Variants in PARD3B observed in about 807,000 individuals in gnomAD.
PARD3B encodes the protein partitioning defective 3 homolog B.
A neutral mutation model predicts 130.2 loss-of-function variants in PARD3B; 103 were observed. The ratio of observed to expected loss-of-function variants is 0.79; its 90% CI spans 0.67 to 0.93. The LOEUF (loss-of-function observed/expected upper bound fraction) is 0.93. PARD3B is among the 40% of genes least tolerant of loss of function. The pLI is 0.00. For synonymous variants in PARD3B, 583 were observed against 553.2 expected (o/e 1.05, Z -0.76); for missense variants, 1,609 against 1,499.2 (o/e 1.07, Z -1.21).
At chr2:205,380,730 A>C (rs1344487735) in intron 18 of PARD3B, among the ~76,000 whole-genome samples, 1 of 102,514 alleles carries the variant, frequency 9.8e-6, no homozygotes, top group Non-Finnish European at 1.7e-5. Flanking sequence ...ACTATATATA[A>C]AGAATATACA....
At chr2:204,963,367 C>T (rs1204407504) in intron 2 of PARD3B, among the ~76,000 whole-genome samples, 2 of 151,960 alleles carry the variant, frequency 1.3e-5, no homozygotes, top group African/African-American at 4.8e-5. Context: ...TATTTTTTCT[C>T]GTTTTTCCAG....
At chr2:204,582,895 T>A (rs977453599) in intron 1 of PARD3B, among the ~76,000 whole-genome samples, 1 of 152,166 alleles carries the variant, frequency 6.6e-6, no homozygotes, top group Non-Finnish European at 1.5e-5. Flanking sequence ...TGATGAGCAT[T>A]TTTTCATGTA....
chr2:204,972,261 A>G (rs1420430091), intron 3 of PARD3B, among the ~76,000 whole-genome samples: 1 of 152,186 alleles, frequency 6.6e-6, no homozygotes, highest in African/African-American at 2.4e-5. Context: ...CTCATAGTTG[A>G]TCACTTCCTA....
intron 2 of PARD3B, among the ~76,000 whole-genome samples, chr2:204,948,455 A>G (rs1399450890): frequency 1.3e-5 from 2 of 152,220 alleles, no homozygotes; most frequent in Non-Finnish European, 2.9e-5. Flanking sequence ...AATAATTTGC[A>G]TGTTACATGG....
At chr2:204,560,446 A>C (rs2031234704) in intron 1 of PARD3B, among the ~76,000 whole-genome samples, 1 of 152,102 alleles carries the variant, frequency 6.6e-6, no homozygotes, top group Non-Finnish European at 1.5e-5. Flanking sequence ...TGGTATGATC[A>C]AGGTGCTTTG....
At chr2:205,127,175 T>C (rs944005405) in intron 10 of PARD3B, among the ~76,000 whole-genome samples, 2 of 151,510 alleles carry the variant, frequency 1.3e-5, no homozygotes, top group Non-Finnish European at 2.9e-5. Flanking sequence ...CATGTGCCTG[T>C]AGTCCCAGCT....
At chr2:205,159,354 A>C (rs1291363732) in intron 11 of PARD3B, among the ~76,000 whole-genome samples, 1 of 152,212 alleles carries the variant, frequency 6.6e-6, no homozygotes, top group East Asian at 1.9e-4. Context: ...ATCACATTTT[A>C]TACACTTGAA....
chr2:205,013,314 T>C (rs1695872055), intron 3 of PARD3B, among the ~76,000 whole-genome samples: 1 of 152,240 alleles, frequency 6.6e-6, no homozygotes, highest in African/African-American at 2.4e-5. Context: ...AATTGATAAC[T>C]GTAGTTTAAT....
intron 14 of PARD3B, among the ~76,000 whole-genome samples, chr2:205,191,620 G>A (rs780290580): frequency 1.3e-5 from 2 of 152,156 alleles, no homozygotes; most frequent in Non-Finnish European, 2.9e-5. Flanking sequence ...TGTTTCTATA[G>A]CACATACTCT....
intron 1 of PARD3B, among the ~76,000 whole-genome samples, chr2:204,653,106 T>C (rs2035536653): frequency 6.6e-6 from 1 of 150,794 alleles, no homozygotes; most frequent in Non-Finnish European, 1.5e-5. Context: ...CAACAGACAC[T>C]GGGATCTTCT....
intron 18 of PARD3B, among the ~76,000 whole-genome samples, chr2:205,399,515 C>T (rs368604558): frequency 8.6e-5 from 13 of 151,652 alleles, no homozygotes; most frequent in East Asian, 2.0e-4. Context: ...CCACGACGCC[C>T]GGCTAATTTT....
intron 4 of PARD3B, among the ~76,000 whole-genome samples, chr2:205,081,003 G>T (rs557741382): frequency 2.9e-4 from 44 of 152,056 alleles, no homozygotes; most frequent in Middle Eastern, 3.4e-3. Flanking sequence ...TCACTGTGTA[G>T]ATTTTCTTTA....
intron 2 of PARD3B, among the ~76,000 whole-genome samples, chr2:204,903,426 T>G (rs962550326): frequency 6.6e-6 from 1 of 152,216 alleles, no homozygotes. Flanking sequence ...ACATGTTTAA[T>G]GTGTTTTGTT....
At chr2:204,916,877 CAT>C (rs1461373181) in intron 2 of PARD3B, among the ~76,000 whole-genome samples, 1 of 152,126 alleles carries the variant, frequency 6.6e-6, no homozygotes, top group Non-Finnish European at 1.5e-5. Flanking sequence ...ATTTGTCTGA[CAT>C]GTGTTTATTG....
At chr2:205,097,464 C>T (rs1055657903) in intron 4 of PARD3B, among the ~76,000 whole-genome samples, 1 of 152,178 alleles carries the variant, frequency 6.6e-6, no homozygotes, top group African/African-American at 2.4e-5. Flanking sequence ...CACTCATCAA[C>T]ACCATCCTTC....
chr2:205,535,044 G>C (rs182397421), intron 21 of PARD3B, among the ~76,000 whole-genome samples: 76 of 152,248 alleles, frequency 5.0e-4, no homozygotes, highest in African/African-American at 1.7e-3. Flanking sequence ...GAGTAAAATG[G>C]AGTTCTTTTT....
intron 19 of PARD3B, among the ~76,000 whole-genome samples, chr2:205,423,038 C>T (rs976956220): frequency 6.6e-6 from 1 of 152,156 alleles, no homozygotes; most frequent in Admixed American, 6.5e-5. Flanking sequence ...CATGGTAGAA[C>T]CTTTCTCCTC....
At chr2:205,149,093 C>T (rs932790924) in intron 10 of PARD3B, among the ~76,000 whole-genome samples, 1 of 152,152 alleles carries the variant, frequency 6.6e-6, no homozygotes, top group Non-Finnish European at 1.5e-5. Flanking sequence ...CAGAGATGGC[C>T]TTATTTGGAA....
Position 204,799,834 on chromosome 2 carries a change from A to G in PARD3B, c.222+113552A>G, listed in dbSNP as rs1201457766. Reference sequence around the variant, plus strand: ...GACTGAGGGTTCCCCAAATGCAGATATGGCTGCAGTGACTAAAGATTTATA... The same window carrying G: ...GACTGAGGGTTCCCCAAATGCAGATGTGGCTGCAGTGACTAAAGATTTATA... On this transcript the variant is annotated intron_variant, in intron 2 of 22. Coordinates refer to ENST00000406610, the MANE Select transcript of PARD3B (RefSeq NM_001302769.2). This position sits in a 1 kb window ranked among gnomAD's most constrained non-coding sequence, Gnocchi z 4.1. 6.6e-6 allele frequency among the ~76,000 whole-genome samples: 1 copy of G among 152,186 alleles called. No individual in the cohort carries two copies. Among genetic ancestry groups the G allele is most frequent in the African/African-American group, 2.4e-5 (1 of 41,442 alleles).
Sources: gnomAD v4.1 joint callset for allele counts (sites outside exome capture counted in the v4.1 genomes callset) on GRCh38, gnomAD v4.1.1 for gene constraint, Gnocchi (gnomAD v3.1) non-coding constraint, MANE v1.5 for transcripts, NCBI Gene and HGNC (gene_info 2026-07-23, HGNC 2026-07-21) for gene names.